FUCA1: variants seen among roughly 807,000 people sequenced by gnomAD.
FUCA1 encodes tissue alpha-L-fucosidase.
FUCA1 carries 52 observed loss-of-function variants against 56.8 expected under a neutral mutation model. That is an observed-to-expected ratio of 0.92 (90% CI 0.73 to 1.15). The LOEUF (loss-of-function observed/expected upper bound fraction) is 1.15. Among genes scored for constraint, FUCA1 ranks in the 50% most tolerant of loss-of-function variants. The pLI, the probability that FUCA1 is intolerant of heterozygous loss-of-function variation, is 0.00. For missense variants in FUCA1, 568 were observed against 592.6 expected (o/e 0.96, Z 0.43); for synonymous variants, 230 against 226.6 (o/e 1.02, Z -0.14).
At chr1:23,862,862 G>A (rs376530624) in intron 3 of FUCA1, among the ~76,000 whole-genome samples, 20 of 152,264 alleles carry the variant, frequency 1.3e-4, no homozygotes, top group African/African-American at 4.6e-4. Flanking sequence ...TAGGGAAAAC[G>A]GCATGTAAGA....
intron 5 of FUCA1, among the ~76,000 whole-genome samples, chr1:23,853,752 C>G (rs946348522): frequency 7.9e-5 from 12 of 151,438 alleles, no homozygotes; most frequent in South Asian, 4.2e-4. Context: ...TCCTGTTGAT[C>G]GGTGACCCTA....
At chr1:23,855,970 G>T (rs900191507) in intron 4 of FUCA1, among the ~76,000 whole-genome samples, 4 of 152,168 alleles carry the variant, frequency 2.6e-5, no homozygotes, top group African/African-American at 9.7e-5. Context: ...GACTAGCAGA[G>T]GAGACAGATA....
At position 23,848,499 on chromosome 1, in the gene FUCA1, C is replaced by T. The variant is rs892242862; in HGVS notation, c.1160+150G>A. ...TAACCAAGTAGCCTGAGACATAACT[C>T]AAATGGGGTACAAATTTTATAGGAA... On this transcript the variant is annotated intron_variant, in intron 6 of 7. Coordinates refer to ENST00000374479, the MANE Select transcript of FUCA1 (RefSeq NM_000147.5). 37 of 747,586 alleles carry T rather than the reference C, an allele frequency of 4.9e-5. No individual in the cohort carries two copies. In the Admixed American group the frequency reaches 7.7e-4, roughly 15 times the overall value. The allele number at this position is 747,586 out of a possible 1,614,324, so 46.3% of individuals were successfully genotyped here.
In FUCA1 at chr1:23,867,952, G is replaced by T; in HGVS notation, c.335C>A (p.Ala112Glu). The T allele has an allele frequency of 6.3e-7, 1 of 1,578,042 alleles. No individual in the cohort carries two copies. Among genetic ancestry groups the T allele is most frequent in the Non-Finnish European group, 8.6e-7 (1 of 1,162,980 alleles). Residue 112 changes from alanine to glutamate, a missense_variant, in exon 1 of 8, where the codon GCG becomes GAG. By Grantham distance (107) the Ala-to-Glu change is moderately radical. Coordinates refer to ENST00000374479, the MANE Select transcript of FUCA1 (RefSeq NM_000147.5). The surrounding 1 kb of genome is among the most constrained non-coding windows in gnomAD (Gnocchi z 4.9). ...CCACTCCTCCGGGTGGAAGAAGCGC[G>T]CAGTGAACTGCGGTCCGAAGTCGGC... Reference protein sequence around the residue: ...SYADFGPQFTARFFHPEEWAD... With the variant: ...SYADFGPQFTERFFHPEEWAD...
rs1324596939 is a variant in FUCA1, at chr1:23,846,178, G to A, written c.1161-5C>T. On this transcript the variant is annotated splice_region_variant and splice_polypyrimidine_tract_variant and intron_variant, in intron 6 of 7. Coordinates refer to ENST00000374479, the MANE Select transcript of FUCA1 (RefSeq NM_000147.5). ...GCCGATCCCTTTGAGGTATACCTGG[G>A]AAAACAGAAACAACACTGTCAAAGA... is the stretch of plus-strand genomic sequence containing the variant. 9 of 1,597,714 alleles carry A rather than the reference G, an allele frequency of 5.6e-6. No individual in the cohort carries two copies. The South Asian group carries it at 9.9e-5, about 18-fold the overall frequency.
chr1:23,865,756 T>C, intron 1 of FUCA1, 131 bp from the exon 2 acceptor site: 1 of 997,844 alleles, frequency 1.0e-6, no homozygotes, highest in Non-Finnish European at 1.6e-6. Flanking sequence ...CCAGTGACTA[T>C]ATTAGTGATA....
chr1:23,854,633 G>C, intron 4 of FUCA1, 73 bp from the exon 5 acceptor site: 1 of 1,252,632 alleles, frequency 8.0e-7, no homozygotes, highest in South Asian at 1.2e-5. Flanking sequence ...ACTTTGGTAA[G>C]GCTCTATTTG....
At chr1:23,863,032 G>C in intron 3 of FUCA1, 102 bp downstream of exon 3, 1 of 1,245,808 alleles carries the variant, frequency 8.0e-7, no homozygotes, top group African/African-American at 1.5e-5. Context: ...ATGTCTTTTA[G>C]GTTTTTTTCA....
intron 4 of FUCA1, among the ~76,000 whole-genome samples, chr1:23,859,288 C>T (rs761741155): frequency 6.6e-6 from 1 of 151,626 alleles, no homozygotes; most frequent in African/African-American, 2.4e-5. Context: ...AGGAGATTGC[C>T]GGGTGCGGTG....
chr1:23,853,847 A>G (rs1025876126), intron 5 of FUCA1, among the ~76,000 whole-genome samples: 6 of 151,866 alleles, frequency 4.0e-5, no homozygotes, highest in Non-Finnish European at 5.9e-5. Flanking sequence ...TGCTTTGTTA[A>G]ACAGATGCTT....
chr1:23,848,365 C>A (rs559703552), intron 6 of FUCA1, among the ~76,000 whole-genome samples: 41 of 152,270 alleles, frequency 2.7e-4, no homozygotes, highest in African/African-American at 7.9e-4. Context: ...TCCAAGCATT[C>A]ATTATTACTA....
In FUCA1 at chr1:23,845,686, A is replaced by G. The variant is rs779394009; in HGVS notation, c.*29T>C. 6.2e-7 allele frequency: 1 copy of G among 1,613,978 alleles called. No individual in the cohort carries two copies. The highest frequency in any genetic ancestry group is 8.5e-7 in the Non-Finnish European group (1 of 1,179,828). On this transcript the variant is annotated 3_prime_UTR_variant, in exon 8 of 8. Coordinates refer to ENST00000374479, the MANE Select transcript of FUCA1 (RefSeq NM_000147.5). ...AAACTGAAGCAGGAAAACAGTGAGC[A>G]GCGCCTCTTTCTTCTTGCACTCAAA... is the stretch of plus-strand genomic sequence containing the variant.
chr1:23,864,087 C>CTTTTTTTT (rs765991884), intron 2 of FUCA1, among the ~76,000 whole-genome samples: 1 of 131,048 alleles, frequency 7.6e-6, no homozygotes, highest in African/African-American at 2.9e-5. Flanking sequence ...TCTTTTTTTC[C>CTTTTTTTT]TTTTTTTTTT....
At chr1:23,859,304 C>T (rs893172648) in intron 4 of FUCA1, among the ~76,000 whole-genome samples, 5 of 152,032 alleles carry the variant, frequency 3.3e-5, no homozygotes, top group East Asian at 1.9e-4. Context: ...CGGTGGCTCA[C>T]GCCTGTAATC....
In FUCA1 at chr1:23,845,513, C is replaced by G; in HGVS notation, c.*202G>C. 1 of 626,152 alleles carries G rather than the reference C, an allele frequency of 1.6e-6. No homozygotes were observed. The highest frequency in any genetic ancestry group is 2.8e-6 in the Non-Finnish European group (1 of 354,400). The allele number at this position is 626,152 out of a possible 1,614,324, so 38.8% of individuals were successfully genotyped here. On this transcript the variant is annotated 3_prime_UTR_variant, in exon 8 of 8. Coordinates refer to ENST00000374479, the MANE Select transcript of FUCA1 (RefSeq NM_000147.5). The stretch of plus-strand genomic sequence containing the variant: ...AGTTCCTTCTTCTGCTGACCTGATA[C>G]AGATATAATCACAATGGATCTCAGA...
At chr1:23,847,051 C>G (rs1639158230) in intron 6 of FUCA1, among the ~76,000 whole-genome samples, 1 of 152,064 alleles carries the variant, frequency 6.6e-6, no homozygotes, top group African/African-American at 2.4e-5. Flanking sequence ...CTACCAAATC[C>G]CAGTCCTCGA....
Position 23,845,155 on chromosome 1 carries a change from T to G in FUCA1, c.*560A>C, listed in dbSNP as rs1639110508. 6.2e-6 allele frequency: 1 copy of G among 161,590 alleles called. No individual in the cohort carries two copies. The highest frequency in any genetic ancestry group is 5.7e-5 in the Admixed American group (1 of 17,528). 10.0% of individuals were successfully genotyped at this position (161,590 alleles called of 1,614,324 possible). On this transcript the variant is annotated 3_prime_UTR_variant, in exon 8 of 8. Transcript: ENST00000374479. Reference sequence around the variant, plus strand: ...AAAAGACAGAGCAGAATCACATTCATTTTCTTAATAGTATCACTGTAAACA... The same window carrying G: ...AAAAGACAGAGCAGAATCACATTCAGTTTCTTAATAGTATCACTGTAAACA...
At chr1:23,847,084 C>A (rs1216732740) in intron 6 of FUCA1, among the ~76,000 whole-genome samples, 1 of 152,064 alleles carries the variant, frequency 6.6e-6, no homozygotes, top group Non-Finnish European at 1.5e-5. Context: ...TACTAGGGAG[C>A]ACCAATAACT....
intron 6 of FUCA1, among the ~76,000 whole-genome samples, chr1:23,846,985 G>A (rs1397790772): frequency 6.6e-6 from 1 of 152,058 alleles, no homozygotes; most frequent in Non-Finnish European, 1.5e-5. Flanking sequence ...CTTAGAAAGT[G>A]CTGGGATTAC....
Sources: allele counts gnomAD v4.1 joint callset (sites outside exome capture counted in the v4.1 genomes callset), GRCh38; gene constraint gnomAD v4.1.1; non-coding constraint Gnocchi (gnomAD v3.1); transcripts MANE v1.5; gene names NCBI Gene and HGNC (gene_info 2026-07-23, HGNC 2026-07-21).